PTPRC: variants seen among roughly 807,000 people sequenced by gnomAD.
PTPRC encodes protein tyrosine phosphatase receptor type C.
PTPRC carries 44 observed loss-of-function variants against 155.9 expected under a neutral mutation model. That is an observed-to-expected ratio of 0.28 (90% CI 0.22 to 0.36). PTPRC has a LOEUF of 0.36. Among genes scored for constraint, PTPRC ranks in the 10% least tolerant of loss-of-function variants. The pLI is 1.00. For missense variants in PTPRC, 1,401 were observed against 1,564.6 expected, an observed-to-expected ratio of 0.90 and a Z score of 1.76; for synonymous variants, 525 against 533.1, an observed-to-expected ratio of 0.98 and a Z score of 0.21.
intron 32 of PTPRC, among the ~76,000 whole-genome samples, chr1:198,755,015 C>A (rs933297242): frequency 6.6e-5 from 10 of 152,110 alleles, no homozygotes; most frequent in African/African-American, 2.4e-4. Flanking sequence ...ATTAAAGCAG[C>A]AAGTTCCACA....
chr1:198,718,018 A>G (rs973901094), intron 13 of PTPRC, 76 bp from the exon 14 acceptor site: 2 of 1,194,804 alleles, frequency 1.7e-6, no homozygotes, highest in Middle Eastern at 1.9e-4. Context: ...ACTTTATACT[A>G]TATCCAAGTA....
At chr1:198,662,558 T>C (rs950366386) in intron 2 of PTPRC, among the ~76,000 whole-genome samples, 1 of 151,900 alleles carries the variant, frequency 6.6e-6, no homozygotes, top group African/African-American at 2.4e-5. Flanking sequence ...AATGTTTTAA[T>C]AGAGTGGCTT....
At chr1:198,724,945 G>A (rs1301557266) in intron 15 of PTPRC, among the ~76,000 whole-genome samples, 1 of 152,068 alleles carries the variant, frequency 6.6e-6, no homozygotes. Flanking sequence ...GGGATTACAG[G>A]CAGGCACCAC....
chr1:198,704,390 G>A (rs1666620159), intron 7 of PTPRC, 82 bp from the exon 8 acceptor site: 2 of 1,599,416 alleles, frequency 1.3e-6, no homozygotes, highest in Non-Finnish European at 1.7e-6. Context: ...TAGAAGTATT[G>A]TAAATCAGCT....
chr1:198,659,442 G>A (rs927369263), intron 2 of PTPRC, among the ~76,000 whole-genome samples: 5 of 152,176 alleles, frequency 3.3e-5, no homozygotes, highest in African/African-American at 1.2e-4. Context: ...GGGACAGAGG[G>A]GGCCAGTGCT....
intron 12 of PTPRC, among the ~76,000 whole-genome samples, chr1:198,716,383 A>G (rs1259510138): frequency 6.6e-6 from 1 of 152,248 alleles, no homozygotes; most frequent in Non-Finnish European, 1.5e-5. Context: ...GTGTTTTCTC[A>G]GAAACAAAAG....
chr1:198,689,909 A>G (rs1179602480), intron 2 of PTPRC, among the ~76,000 whole-genome samples: 2 of 152,102 alleles, frequency 1.3e-5, no homozygotes, highest in East Asian at 1.9e-4. Flanking sequence ...TATGTGTTTT[A>G]TGGGTTATAA....
chr1:198,718,402 A>G, intron 14 of PTPRC, 100 bp downstream of exon 14: 1 of 1,017,390 alleles, frequency 9.8e-7, no homozygotes, highest in Non-Finnish European at 1.5e-6. Context: ...CATGAGATTG[A>G]GAAGCTCTGA....
At chr1:198,696,053 G>A (rs1229412970) in intron 3 of PTPRC, among the ~76,000 whole-genome samples, 4 of 151,938 alleles carry the variant, frequency 2.6e-5, no homozygotes, top group Admixed American at 6.6e-5. Context: ...CCAGCTACTT[G>A]GGTGGCTGAG....
chr1:198,708,331 T>TA, intron 10 of PTPRC, 70 bp downstream of exon 10: 1 of 1,454,776 alleles, frequency 6.9e-7, no homozygotes, highest in Non-Finnish European at 9.5e-7. Context: ...TATTTAATCT[T>TA]ACTCTCTGCC....
intron 2 of PTPRC, among the ~76,000 whole-genome samples, chr1:198,668,715 G>T (rs114796933): frequency 7.1e-4 from 108 of 152,330 alleles, no homozygotes; most frequent in African/African-American, 2.5e-3. Context: ...AAGGAATTAG[G>T]TAGGTTCTGT....
chr1:198,742,286 C>A lies in PTPRC; in HGVS notation c.2616C>A (p.Gly872=), dbSNP rs947670437. The A allele has an allele frequency of 6.2e-7, 1 of 1,612,152 alleles. No individual in the cohort carries two copies. The highest frequency in any genetic ancestry group is 8.5e-7 in the Non-Finnish European group (1 of 1,178,908). Residue 872 remains glycine (G), a synonymous_variant, in exon 25 of 33, where the codon GGC becomes GGA. Coordinates refer to ENST00000442510, the MANE Select transcript of PTPRC (RefSeq NM_002838.5). ...TCGGAATTGATGCCATGCTAGAAGGCCTGGAAGCCGAGAACAAAGTGGATG... is the reference window on the plus strand; with the variant it reads ...TCGGAATTGATGCCATGCTAGAAGGACTGGAAGCCGAGAACAAAGTGGATG... ...TYIGIDAMLE[G]LEAENKVDVY...
intron 3 of PTPRC, chr1:198,692,870 C>T (rs891310362): frequency 9.0e-6 from 8 of 892,528 alleles, no homozygotes; most frequent in Non-Finnish European, 9.4e-6. Context: ...TCAAATTCTA[C>T]TGAACACTTC....
Position 198,639,252 on chromosome 1 carries a change from A to T in PTPRC, c.-17A>T, listed in dbSNP as rs1371935250. 1.2e-5 allele frequency: 19 copies of T among 1,612,734 alleles called. No individual in the cohort carries two copies. The highest frequency in any genetic ancestry group is 1.6e-5 in the Non-Finnish European group (19 of 1,178,892). ...AGGACGCATGCTGTTTCTTAGGGAC[A>T]CGGCTGACTTCCAGATATGACCATG... On this transcript the variant is annotated 5_prime_UTR_variant, in exon 2 of 33. Coordinates refer to ENST00000442510, the MANE Select transcript of PTPRC (RefSeq NM_002838.5).
At chr1:198,669,778 T>C (rs1402870203) in intron 2 of PTPRC, among the ~76,000 whole-genome samples, 2 of 152,186 alleles carry the variant, frequency 1.3e-5, no homozygotes, top group Non-Finnish European at 2.9e-5. Context: ...TTATTTTAAC[T>C]GAATAGCTTA....
At chr1:198,754,009 A>C (rs776156052) in intron 31 of PTPRC, among the ~76,000 whole-genome samples, 1 of 152,050 alleles carries the variant, frequency 6.6e-6, no homozygotes, top group Non-Finnish European at 1.5e-5. Context: ...AAAATCCATA[A>C]AATACTAAAT....
At chr1:198,742,047 A>G (rs200891064) in intron 24 of PTPRC, 21 bp downstream of exon 24, 3 of 1,610,002 alleles carry the variant, frequency 1.9e-6, no homozygotes, top group East Asian at 4.5e-5. Context: ...CGAACAAAAA[A>G]AAAAAACAAC....
At chr1:198,709,930 CT>C in intron 11 of PTPRC, 106 bp downstream of exon 11, 1 of 1,438,330 alleles carries the variant, frequency 7.0e-7, no homozygotes, top group Non-Finnish European at 9.5e-7. Flanking sequence ...GTTTTTGATA[CT>C]TTTTAAGCAT....
chr1:198,645,111 A>T (rs1184846168), intron 2 of PTPRC, among the ~76,000 whole-genome samples: 1 of 151,820 alleles, frequency 6.6e-6, no homozygotes. Context: ...GTTGAGGGTA[A>T]CTCAGGTAAC....
Sources: gnomAD v4.1 joint callset for allele counts (sites outside exome capture counted in the v4.1 genomes callset) on GRCh38, gnomAD v4.1.1 for gene constraint, MANE v1.5 for transcripts, NCBI Gene and HGNC (gene_info 2026-07-23, HGNC 2026-07-21) for gene names.